The following FRS2 variants were observed in gnomAD, a reference collection of about 807,000 sequenced individuals.
FRS2 encodes FGFR signalling adaptor.
In FRS2, 8 loss-of-function variants were observed where a neutral mutation model predicts 43.9. The observed-to-expected ratio is 0.18, with a 90% CI of 0.11 to 0.33. The LOEUF is 0.33. Among genes scored for constraint, FRS2 ranks in the 10% least tolerant of loss-of-function variants. The probability of loss-of-function intolerance (pLI) is 1.00; values close to 1 mark genes in which losing one functional copy is unlikely to be tolerated. For synonymous variants in FRS2, 219 were observed against 220.3 expected, an observed-to-expected ratio of 0.99 and a Z score of 0.05; for missense variants, 534 against 627.6, an observed-to-expected ratio of 0.85 and a Z score of 1.59.
intron 1 of FRS2, among the ~76,000 whole-genome samples, chr12:69,478,623 A>C (rs1029050483): frequency 4.6e-5 from 7 of 152,082 alleles, no homozygotes; most frequent in African/African-American, 1.7e-4. Context: ...GTGTTTGTGA[A>C]GTATTCTAAA....
At chr12:69,552,947 G>A (rs1345106462) in intron 3 of FRS2, among the ~76,000 whole-genome samples, 1 of 152,060 alleles carries the variant, frequency 6.6e-6, no homozygotes, top group Non-Finnish European at 1.5e-5. Context: ...TTAAGTGGTG[G>A]TTCTAGGACT....
chr12:69,558,187 T>C (rs569450572), intron 3 of FRS2, among the ~76,000 whole-genome samples: 1 of 152,356 alleles, frequency 6.6e-6, no homozygotes, highest in East Asian at 1.9e-4. Context: ...ACAGTGACAC[T>C]GCAAGTCCAG....
chr12:69,495,332 A>G (rs2121000027), intron 1 of FRS2, among the ~76,000 whole-genome samples: 1 of 152,356 alleles, frequency 6.6e-6, no homozygotes, highest in Non-Finnish European at 1.5e-5. Context: ...CTATTGCTTC[A>G]AATTATTGGA....
intron 4 of FRS2, among the ~76,000 whole-genome samples, chr12:69,562,511 C>T (rs1879956672): frequency 6.6e-6 from 1 of 151,948 alleles, no homozygotes. Context: ...GAACTGCAAC[C>T]ATTTTTCTTC....
At chr12:69,526,816 C>G (rs1259587852) in intron 1 of FRS2, among the ~76,000 whole-genome samples, 2 of 151,986 alleles carry the variant, frequency 1.3e-5, no homozygotes, top group East Asian at 3.9e-4. Flanking sequence ...CTCCGCCTCC[C>G]AGGTTCAAGT....
rs1881334955 is a variant in FRS2 at position 69,578,413 on chromosome 12, CAT to C, written c.*3461_*3462del. The C allele has an allele frequency of 2.0e-5, 3 of 152,568 alleles. No individual in the cohort carries two copies. Among genetic ancestry groups the C allele is most frequent in the African/African-American group, 7.2e-5 (3 of 41,462 alleles). The allele number at this position is 152,568 out of a possible 1,614,324, so 9.5% of individuals were successfully genotyped here. A position where few individuals can be genotyped will look rare whatever the true frequency, so the allele number is the denominator to read the frequency against. ...AAATGTTTTTGGCTTGAAAAATTAA[CAT>C]ATTTTATGACGTACCACAGTATACT... is the stretch of plus-strand genomic sequence containing the variant. On this transcript the variant is annotated 3_prime_UTR_variant, in exon 9 of 9. Transcript: ENST00000549921.
chr12:69,488,379 C>A (rs937601527), intron 1 of FRS2, among the ~76,000 whole-genome samples: 2 of 152,172 alleles, frequency 1.3e-5, no homozygotes, highest in African/African-American at 4.8e-5. Flanking sequence ...AAAAGATGAC[C>A]ACTTGCTGAT....
At chr12:69,564,813 A>G (rs1450057634) in intron 4 of FRS2, among the ~76,000 whole-genome samples, 1 of 152,208 alleles carries the variant, frequency 6.6e-6, no homozygotes, top group Non-Finnish European at 1.5e-5. Flanking sequence ...TTTCTACTTA[A>G]AATACATCAG....
chr12:69,522,577 T>C (rs760224927), intron 1 of FRS2, among the ~76,000 whole-genome samples: 32 of 152,202 alleles, frequency 2.1e-4, no homozygotes, highest in Admixed American at 1.4e-3. Context: ...GAATGGTTTC[T>C]TGTGTCTCAG....
chr12:69,494,739 T>C (rs1341736511), intron 1 of FRS2, among the ~76,000 whole-genome samples: 1 of 152,138 alleles, frequency 6.6e-6, no homozygotes, highest in Non-Finnish European at 1.5e-5. Flanking sequence ...CCTGAGTAAG[T>C]TCTCCTGTGC....
At chr12:69,509,752 C>T (rs1874287523) in intron 1 of FRS2, among the ~76,000 whole-genome samples, 1 of 152,028 alleles carries the variant, frequency 6.6e-6, no homozygotes, top group Admixed American at 6.6e-5. Flanking sequence ...ATGTTGATGA[C>T]TCTCATTTGC....
chr12:69,485,785 A>C (rs915558007), intron 1 of FRS2, among the ~76,000 whole-genome samples: 3 of 152,184 alleles, frequency 2.0e-5, no homozygotes, highest in African/African-American at 7.2e-5. Flanking sequence ...GTTTTAATTG[A>C]ATACTTACTA....
chr12:69,487,061 T>G (rs1205252484), intron 1 of FRS2, among the ~76,000 whole-genome samples: 2 of 152,230 alleles, frequency 1.3e-5, no homozygotes, highest in East Asian at 3.8e-4. Context: ...TATGGTTATA[T>G]AGATGAGGGC....
intron 7 of FRS2, 126 bp downstream of exon 7, chr12:69,571,560 A>T: frequency 1.2e-6 from 1 of 824,448 alleles, no homozygotes; most frequent in Non-Finnish European, 1.9e-6. Flanking sequence ...AATGGTTGTC[A>T]GTTTTTAAAA....
chr12:69,499,283 C>T (rs533550940), intron 1 of FRS2, among the ~76,000 whole-genome samples: 1 of 152,174 alleles, frequency 6.6e-6, no homozygotes, highest in South Asian at 2.1e-4. Flanking sequence ...AGAGGACAGA[C>T]AGGAGGATTT....
chr12:69,495,431 A>G (rs1225557542), intron 1 of FRS2, among the ~76,000 whole-genome samples: 1 of 152,154 alleles, frequency 6.6e-6, no homozygotes, highest in Non-Finnish European at 1.5e-5. Context: ...TTACCATTAG[A>G]AATTCCATTG....
intron 1 of FRS2, among the ~76,000 whole-genome samples, chr12:69,525,907 G>A (rs750592701): frequency 2.6e-5 from 4 of 152,132 alleles, no homozygotes; most frequent in African/African-American, 4.8e-5. Flanking sequence ...CCAGGCTAGA[G>A]TGCAGTGGTG....
intron 1 of FRS2, among the ~76,000 whole-genome samples, chr12:69,476,969 C>T (rs906225565): frequency 1.3e-5 from 2 of 152,098 alleles, no homozygotes; most frequent in African/African-American, 4.8e-5. Context: ...TTAAAGAAAA[C>T]TGTGGGTTTG....
intron 5 of FRS2, 112 bp from the exon 6 acceptor site, chr12:69,570,219 A>C (rs1330441251): frequency 2.6e-6 from 2 of 772,562 alleles, no homozygotes; most frequent in African/African-American, 3.4e-5. Flanking sequence ...CATGCCTGAT[A>C]CACACATTGG....
Sources: gnomAD v4.1 joint callset for allele counts (sites outside exome capture counted in the v4.1 genomes callset) on GRCh38, gnomAD v4.1.1 for gene constraint, MANE v1.5 for transcripts, NCBI Gene and HGNC (gene_info 2026-07-23, HGNC 2026-07-21) for gene names.